The following FGF13 variants were observed in gnomAD, a reference collection of about 807,000 sequenced individuals.
FGF13 encodes fibroblast growth factor 13.
Under a neutral mutation model 19.5 loss-of-function variants are expected in FGF13, and 2 were observed. The ratio of observed to expected loss-of-function variants is 0.10; its 90% CI spans 0.04 to 0.32. The LOEUF (loss-of-function observed/expected upper bound fraction) is 0.32, where lower values mean the gene tolerates loss of function less well. Among genes scored for constraint, FGF13 ranks in the 10% least tolerant of loss-of-function variants. The probability of loss-of-function intolerance (pLI) is 1.00; values close to 1 mark genes in which losing one functional copy is unlikely to be tolerated. For missense variants in FGF13, 113 were observed against 192.7 expected (o/e 0.59, Z 2.45); for synonymous variants, 72 against 76.9 (o/e 0.94, Z 0.33).
intron 1 of FGF13, among the ~76,000 whole-genome samples, chrX:139,156,860 C>T (rs777612968): frequency 7.2e-5 from 8 of 111,799 alleles, no homozygotes; most frequent in African/African-American, 2.3e-4. Flanking sequence ...CTGGTCCTTA[C>T]GTCATTGCTT....
intron 3 of FGF13, among the ~76,000 whole-genome samples, chrX:138,841,382 T>C (rs1297730258): frequency 1.8e-5 from 2 of 111,630 alleles, no homozygotes; most frequent in Non-Finnish European, 3.8e-5. Context: ...ACTTCAACCA[T>C]ATCTATTAGT....
intron 1 of FGF13, among the ~76,000 whole-genome samples, chrX:139,018,659 G>T (rs764187282): frequency 9.0e-6 from 1 of 111,318 alleles, no homozygotes; most frequent in East Asian, 2.9e-4. Context: ...ACATACTTAT[G>T]AGAGTTTCAT....
At chrX:138,816,673 C>T (rs1292690060) in intron 3 of FGF13, among the ~76,000 whole-genome samples, 1 of 112,700 alleles carries the variant, frequency 8.9e-6, no homozygotes. Flanking sequence ...CAACCCATGG[C>T]CCATGGGCCG....
chrX:138,709,314 C>G (rs2090020555), intron 1 of FGF13, among the ~76,000 whole-genome samples: 1 of 112,099 alleles, frequency 8.9e-6, no homozygotes, highest in South Asian at 3.7e-4. Flanking sequence ...TCAGAGTTGT[C>G]TGCCAACCGA....
chrX:138,997,390 T>C (rs1450591556), intron 1 of FGF13, among the ~76,000 whole-genome samples: 2 of 103,601 alleles, frequency 1.9e-5, no homozygotes, highest in Non-Finnish European at 3.9e-5. Context: ...TCCTCTGAGC[T>C]AAATAAGCAT....
chrX:138,879,844 C>T lies in FGF13; in HGVS notation c.-112-15194G>A, dbSNP rs193256697. On this transcript the variant is annotated intron_variant, in intron 1 of 2. Coordinates refer to the FGF13 transcript ENST00000421460. Reference sequence around the variant, plus strand: ...AATTGACAAATGGGATCTAATTAAACTAAAGAGCTTCTGCACAGCAAAATA... The same window carrying T: ...AATTGACAAATGGGATCTAATTAAATTAAAGAGCTTCTGCACAGCAAAATA... 2.8e-3 allele frequency among the ~76,000 whole-genome samples: 314 copies of T among 111,968 alleles called. 1 individual carries two copies. The highest frequency in any genetic ancestry group is 0.011 in the South Asian group (29 of 2,686).
intron 1 of FGF13, among the ~76,000 whole-genome samples, chrX:139,076,890 A>C (rs991603397): frequency 2.7e-5 from 3 of 112,456 alleles, no homozygotes; most frequent in Non-Finnish European, 5.6e-5. Flanking sequence ...GCCCAGAAGT[A>C]TAAGAGGAGG....
At position 138,626,729 on chromosome X, in the gene FGF13, GAC is replaced by G. The variant is rs899177842; in HGVS notation, c.*6119_*6120del. On this transcript the variant is annotated 3_prime_UTR_variant, in exon 5 of 5. Transcript: ENST00000315930. ...CCTGCTACACACACACACAGACACA[GAC>G]ACACACACACGCACACAGAAACAAT... is the stretch of plus-strand genomic sequence containing the variant. 1 of 113,077 alleles carries G rather than the reference GAC, an allele frequency of 8.8e-6. No homozygotes were observed. The highest frequency in any genetic ancestry group is 1.9e-5 in the Non-Finnish European group (1 of 53,200). 9.3% of individuals were successfully genotyped at this position (113,077 alleles called of 1,213,427 possible).
chrX:139,121,612 C>CA (rs1421486575), intron 1 of FGF13, among the ~76,000 whole-genome samples: 1 of 110,779 alleles, frequency 9.0e-6, no homozygotes, highest in Non-Finnish European at 1.9e-5. Context: ...AGGCTGGTCT[C>CA]AAACTCCTGG....
At chrX:138,840,364 TG>T (rs766088005) in intron 3 of FGF13, among the ~76,000 whole-genome samples, 14 of 111,925 alleles carry the variant, frequency 1.3e-4, no homozygotes, top group African/African-American at 4.5e-4. Context: ...TGGTACCTAA[TG>T]CTTATCCAGA....
intron 3 of FGF13, among the ~76,000 whole-genome samples, chrX:138,798,651 T>A (rs954132033): frequency 8.9e-6 from 1 of 112,051 alleles, no homozygotes; most frequent in Non-Finnish European, 1.9e-5. Context: ...TACCAGCTCC[T>A]CTTTGTACCT....
At chrX:138,857,272 T>C (rs1350069204), downstream of FGF13, among the ~76,000 whole-genome samples, 1 of 111,779 alleles carries the variant, frequency 8.9e-6, no homozygotes, top group East Asian at 2.8e-4. Context: ...TGACAGCAAC[T>C]GAAAATGTTT....
At chrX:138,857,782 C>A in intron 2 of FGF13, 1 of 710,898 alleles carries the variant, frequency 1.4e-6, no homozygotes, top group Non-Finnish European at 1.9e-6. Flanking sequence ...GAAACAACAG[C>A]CCTAAGAAAA....
chrX:139,056,431 T>C (rs1161053153), intron 1 of FGF13, among the ~76,000 whole-genome samples: 1 of 112,223 alleles, frequency 8.9e-6, no homozygotes, highest in Admixed American at 9.4e-5. Context: ...AGGAAGTTCA[T>C]GTTTACAGCA....
chrX:138,961,511 T>C (rs1182096500), intron 1 of FGF13, among the ~76,000 whole-genome samples: 2 of 111,414 alleles, frequency 1.8e-5, no homozygotes, highest in Admixed American at 9.6e-5. Flanking sequence ...GGAGAACCAC[T>C]GCTCTCTTCA....
intron 1 of FGF13, among the ~76,000 whole-genome samples, chrX:139,000,405 T>C (rs2092067100): frequency 8.9e-6 from 1 of 112,069 alleles, no homozygotes; most frequent in South Asian, 3.7e-4. Context: ...TGTTTCTGTT[T>C]GCAGATGGTA....
chrX:138,687,996 G>T (rs1434497922), intron 3 of FGF13, among the ~76,000 whole-genome samples: 1 of 105,821 alleles, frequency 9.4e-6, no homozygotes, highest in African/African-American at 3.5e-5. Flanking sequence ...CTGTTGCCCA[G>T]ACTGGAGTGC....
chrX:138,691,951 A>T (rs1228057446), intron 3 of FGF13, among the ~76,000 whole-genome samples: 1 of 112,053 alleles, frequency 8.9e-6, no homozygotes, highest in Non-Finnish European at 1.9e-5. Flanking sequence ...TACAGCTATT[A>T]TAATGATCAG....
rs150733453 is a variant in FGF13 at position 138,884,759 on chromosome X, G to A, written c.-112-20109C>T. ...ATTGCAAGAGGACAGGAAGGAAGTC[G>A]ATATTTATTGACTAGGATTTCAAAT... On this transcript the variant is annotated intron_variant, in intron 1 of 2. Transcript: ENST00000421460. Among the ~76,000 whole-genome samples the A allele has an allele frequency of 6.8e-3, 761 of 111,792 alleles. 5 individuals are homozygous for A. Among genetic ancestry groups the A allele is most frequent in the African/African-American group, 0.023 (720 of 30,764 alleles).
Sources: gnomAD v4.1 joint callset for allele counts (sites outside exome capture counted in the v4.1 genomes callset) on GRCh38, gnomAD v4.1.1 for gene constraint, MANE v1.5 for transcripts, NCBI Gene and HGNC (gene_info 2026-07-23, HGNC 2026-07-21) for gene names.